The following BACH2 variants were observed in gnomAD, a reference collection of about 807,000 sequenced individuals.
The protein encoded by BACH2 is transcription regulator protein BACH2.
Under a neutral mutation model 61.8 loss-of-function variants are expected in BACH2, and 5 were observed. The ratio of observed to expected loss-of-function variants is 0.08; its 90% CI spans 0.04 to 0.17. The LOEUF (loss-of-function observed/expected upper bound fraction) is 0.17. BACH2 is among the 10% of genes least tolerant of loss of function. BACH2 has a pLI of 1.00. For synonymous variants in BACH2, 446 were observed against 440.1 expected (o/e 1.01, Z -0.17); for missense variants, 824 against 1,091.1 (o/e 0.76, Z 3.45).
chr6:90,138,414 A>G (rs1243349532), intron 4 of BACH2, among the ~76,000 whole-genome samples: 1 of 152,192 alleles, frequency 6.6e-6, no homozygotes, highest in Admixed American at 6.5e-5. Context: ...GAGGCAGAAG[A>G]ATCGCCTGTG....
chr6:90,295,763 T>G (rs554643792), intron 1 of BACH2, among the ~76,000 whole-genome samples: 3 of 152,078 alleles, frequency 2.0e-5, no homozygotes, highest in East Asian at 3.9e-4. Context: ...CCTTAGGTCT[T>G]AGCTACGCGG....
intron 3 of BACH2, among the ~76,000 whole-genome samples, chr6:90,213,711 T>C (rs206918): frequency 0.083 from 12,576 of 152,224 alleles, 1,680 homozygotes; most frequent in African/African-American, 0.28. Context: ...GAAGAGATCT[T>C]GTCTATTTTG....
chr6:90,204,400 C>T (rs1035456925), intron 4 of BACH2, among the ~76,000 whole-genome samples: 1 of 152,088 alleles, frequency 6.6e-6, no homozygotes, highest in East Asian at 1.9e-4. Flanking sequence ...AGAGAGTGAC[C>T]TATTCTTTGT....
At chr6:90,077,798 C>T (rs1006215390) in intron 5 of BACH2, among the ~76,000 whole-genome samples, 1 of 152,158 alleles carries the variant, frequency 6.6e-6, no homozygotes, top group South Asian at 2.1e-4. Flanking sequence ...ACAGTCATAA[C>T]TTCTCTTTAA....
At chr6:90,059,382 C>T (rs1404241224) in intron 5 of BACH2, among the ~76,000 whole-genome samples, 1 of 152,220 alleles carries the variant, frequency 6.6e-6, no homozygotes, top group East Asian at 1.9e-4. Context: ...AAATGCTCAT[C>T]ATCACTGGCC....
intron 6 of BACH2, among the ~76,000 whole-genome samples, chr6:90,004,087 T>A (rs1032227044): frequency 6.6e-6 from 1 of 152,214 alleles, no homozygotes; most frequent in African/African-American, 2.4e-5. Context: ...CCCAGAGACA[T>A]TAACAGCTTT....
intron 6 of BACH2, among the ~76,000 whole-genome samples, chr6:89,986,060 G>A (rs1200988480): frequency 2.6e-5 from 4 of 152,200 alleles, no homozygotes; most frequent in Admixed American, 2.6e-4. Context: ...GAAAGGCAGA[G>A]ACCAGAGAAT....
At chr6:90,055,338 G>C (rs556925128) in intron 5 of BACH2, among the ~76,000 whole-genome samples, 10 of 152,318 alleles carry the variant, frequency 6.6e-5, no homozygotes, top group African/African-American at 2.4e-4. Flanking sequence ...AGAAGCCTCA[G>C]TAGCCGATTC....
intron 6 of BACH2, among the ~76,000 whole-genome samples, chr6:89,985,199 G>C (rs1398048021): frequency 6.6e-6 from 1 of 152,210 alleles, no homozygotes; most frequent in African/African-American, 2.4e-5. Context: ...CCTGGGGCTA[G>C]TGAGAATTAA....
At chr6:90,097,396 G>A (rs1482866348) in intron 4 of BACH2, among the ~76,000 whole-genome samples, 1 of 152,206 alleles carries the variant, frequency 6.6e-6, no homozygotes, top group African/African-American at 2.4e-5. Flanking sequence ...GGACCGAGGA[G>A]GAAGAAGGCA....
At chr6:89,983,676 A>T (rs981768748) in intron 6 of BACH2, among the ~76,000 whole-genome samples, 4 of 152,202 alleles carry the variant, frequency 2.6e-5, no homozygotes, top group African/African-American at 9.7e-5. Flanking sequence ...TCCAAAAAAT[A>T]AATAAATAAA....
chr6:90,058,169 G>C (rs1780473488), intron 5 of BACH2, among the ~76,000 whole-genome samples: 2 of 152,218 alleles, frequency 1.3e-5, no homozygotes, highest in African/African-American at 4.8e-5. Flanking sequence ...ATTAGGAAAA[G>C]AGGAAGTCAA....
chr6:89,940,353 G>A (rs1482884313), intron 7 of BACH2, among the ~76,000 whole-genome samples: 1 of 152,190 alleles, frequency 6.6e-6, no homozygotes, highest in African/African-American at 2.4e-5. Flanking sequence ...AAGACTGCAT[G>A]AAAGAGCCCC....
At chr6:90,194,509 C>T (rs1000115799) in intron 4 of BACH2, among the ~76,000 whole-genome samples, 2 of 152,192 alleles carry the variant, frequency 1.3e-5, no homozygotes, top group Non-Finnish European at 2.9e-5. Context: ...ATTCAAAACA[C>T]ATGTGAGATG....
At chr6:89,985,249 C>CTACTGTGG (rs1776175399) in intron 6 of BACH2, among the ~76,000 whole-genome samples, 2 of 152,180 alleles carry the variant, frequency 1.3e-5, no homozygotes, top group Admixed American at 6.5e-5. Context: ...TTCCAAGCAT[C>CTACTGTGG]TACTGTGGTT....
chr6:90,073,338 G>A (rs78040688), intron 5 of BACH2, among the ~76,000 whole-genome samples: 3,028 of 152,288 alleles, frequency 0.02, 113 homozygotes, highest in African/African-American at 0.067. Flanking sequence ...GGTGGTACAT[G>A]CATAATTAAA....
chr6:90,275,129 A>C (rs1771650055), intron 1 of BACH2, among the ~76,000 whole-genome samples: 1 of 152,268 alleles, frequency 6.6e-6, no homozygotes, highest in South Asian at 2.1e-4. Flanking sequence ...GTGTCATTTG[A>C]AAGGACTGCT....
rs145118592 is a variant in BACH2, at chr6:90,262,759, G to T, written c.-353+9090C>A. On this transcript the variant is annotated intron_variant, in intron 2 of 8. Coordinates refer to ENST00000257749, the MANE Select transcript of BACH2 (RefSeq NM_021813.4). ...GGCATTAAAGGAGAAAGATTCAAAT[G>T]GTCTACGTAAGACAGCCACAAAGAT... 5.9e-5 allele frequency among the ~76,000 whole-genome samples: 9 copies of T among 152,246 alleles called. No homozygotes were observed. In the East Asian group the frequency reaches 1.7e-3, roughly 29 times the overall value.
At chr6:90,250,421 T>A (rs1308881812) in intron 3 of BACH2, among the ~76,000 whole-genome samples, 1 of 152,216 alleles carries the variant, frequency 6.6e-6, no homozygotes, top group Non-Finnish European at 1.5e-5. Context: ...AAATCACTCA[T>A]AAAAATGGAT....
Sources: allele counts gnomAD v4.1 joint callset (sites outside exome capture counted in the v4.1 genomes callset), GRCh38; gene constraint gnomAD v4.1.1; transcripts MANE v1.5; gene names NCBI Gene and HGNC (gene_info 2026-07-23, HGNC 2026-07-21).